RYR2: variants seen among roughly 807,000 people sequenced by gnomAD.
RYR2 encodes the protein ryanodine receptor 2.
RYR2 carries 227 observed loss-of-function variants against 601.1 expected under a neutral mutation model. The ratio of observed to expected loss-of-function variants is 0.38; its 90% CI spans 0.34 to 0.42. The LOEUF (loss-of-function observed/expected upper bound fraction) is 0.42. RYR2 is among the 10% of genes least tolerant of loss of function. RYR2 has a pLI of 1.00. For missense variants in RYR2, 4,646 were observed against 6,156.5 expected, an observed-to-expected ratio of 0.75 and a Z score of 8.21; for synonymous variants, 2,223 against 2,175.1, an observed-to-expected ratio of 1.02 and a Z score of -0.61.
In RYR2 at chr1:237,732,075, T is replaced by G; in HGVS notation, c.10965T>G (p.Asp3655Glu). 1 of 1,609,486 alleles carries G rather than the reference T, an allele frequency of 6.2e-7. No homozygotes were observed. Among genetic ancestry groups the G allele is most frequent in the African/African-American group, 1.3e-5 (1 of 74,874 alleles). ...CTGGGGCTGAACCTCCAGAAGAAGATGAAGGCACTAAGAGAGTTGATCCTC... is the reference window on the plus strand; with the variant it reads ...CTGGGGCTGAACCTCCAGAAGAAGAGGAAGGCACTAAGAGAGTTGATCCTC... ...AKPGAEPPEE[D>E]EGTKRVDPLH... The change falls in exon 78 of 105, where the codon GAT becomes GAG. Residue 3655 changes from aspartate (D) to glutamate (E), a missense_variant. Around this residue, in one of 17 missense-constraint regions of RYR2, gnomAD observed 1,497 missense variants for 1,842.6 expected, o/e 0.81. Transcript: ENST00000366574.
At chr1:237,097,834 G>A (rs956548031) in intron 1 of RYR2, among the ~76,000 whole-genome samples, 1 of 152,180 alleles carries the variant, frequency 6.6e-6, no homozygotes, top group Non-Finnish European at 1.5e-5. Context: ...GACCTGGGGA[G>A]GGAGAAATCA....
chr1:237,429,214 A>G (rs568872627), intron 12 of RYR2, among the ~76,000 whole-genome samples: 5 of 152,282 alleles, frequency 3.3e-5, no homozygotes, highest in African/African-American at 9.6e-5. Flanking sequence ...AGAGCTGAGC[A>G]TTCTCTCTAG....
At chr1:237,309,287 G>T (rs550545133) in intron 2 of RYR2, among the ~76,000 whole-genome samples, 1 of 150,302 alleles carries the variant, frequency 6.7e-6, no homozygotes, top group Admixed American at 6.6e-5. Flanking sequence ...AGACATAAAG[G>T]TTCTCCAAGT....
chr1:237,246,443 A>G (rs1440841718), intron 1 of RYR2, among the ~76,000 whole-genome samples: 1 of 152,056 alleles, frequency 6.6e-6, no homozygotes, highest in Non-Finnish European at 1.5e-5. Context: ...TGCCAACAGC[A>G]TTATTGAATT....
At chr1:237,471,039 C>T (rs1003155782) in intron 17 of RYR2, 1 of 154,398 alleles carries the variant, frequency 6.5e-6, no homozygotes, top group African/African-American at 2.4e-5. Flanking sequence ...ATTGGTTGGA[C>T]TCGGTATGAC....
intron 65 of RYR2, 23 bp downstream of exon 65, chr1:237,700,490 G>GTTTTTT: frequency 1.0e-6 from 1 of 976,106 alleles, no homozygotes; most frequent in Non-Finnish European, 1.5e-6. Context: ...ATATCTTGGA[G>GTTTTTT]TTTTTTTTTT....
chr1:237,238,325 C>T (rs900474549), intron 1 of RYR2, among the ~76,000 whole-genome samples: 5 of 152,092 alleles, frequency 3.3e-5, no homozygotes, highest in African/African-American at 4.8e-5. Context: ...TGGAAGTCCC[C>T]CTCCCCCAAC....
rs564990104 is a variant in RYR2 at position 237,816,037 on chromosome 1, A to G, written c.14434-2999A>G. On this transcript the variant is annotated intron_variant, in intron 100 of 104. Coordinates refer to ENST00000366574, the MANE Select transcript of RYR2 (RefSeq NM_001035.3). ...CAGTTGCTGGGCAATCTTAGCCACTAGTGCTGTCACACGCAGTTCCTCAAA... is the reference window on the plus strand; with the variant it reads ...CAGTTGCTGGGCAATCTTAGCCACTGGTGCTGTCACACGCAGTTCCTCAAA... Among the ~76,000 whole-genome samples, 14 of 152,256 alleles carry G rather than the reference A, an allele frequency of 9.2e-5. No homozygotes were observed. In the South Asian group the frequency reaches 1.9e-3, roughly 20 times the overall value.
chr1:237,711,867 G>A (rs762820301), intron 71 of RYR2, 30 bp downstream of exon 71: 2 of 975,696 alleles, frequency 2.0e-6, no homozygotes, highest in East Asian at 4.8e-5. Flanking sequence ...CACTGTTCTG[G>A]AAAATATCTG....
intron 3 of RYR2, among the ~76,000 whole-genome samples, chr1:237,342,499 A>G (rs145820211): frequency 7.8e-4 from 119 of 152,138 alleles, no homozygotes; most frequent in African/African-American, 2.6e-3. Flanking sequence ...TTCTGAGAAG[A>G]TACACTTTTT....
At chr1:237,211,028 G>A (rs996474249) in intron 1 of RYR2, among the ~76,000 whole-genome samples, 1 of 152,126 alleles carries the variant, frequency 6.6e-6, no homozygotes, top group Non-Finnish European at 1.5e-5. Flanking sequence ...TGTTTGGGCT[G>A]CTGGGATAGT....
chr1:237,624,359 CA>C (rs1335046590), intron 39 of RYR2, among the ~76,000 whole-genome samples: 1 of 152,092 alleles, frequency 6.6e-6, no homozygotes, highest in Admixed American at 6.6e-5. Flanking sequence ...AACAAACAAA[CA>C]AAACCCCCCA....
At chr1:237,565,169 TTCTTTCTTTC>T (rs1559035620) in intron 27 of RYR2, among the ~76,000 whole-genome samples, 13 of 23,980 alleles carry the variant, frequency 5.4e-4, no homozygotes, top group Non-Finnish European at 8.2e-4. Flanking sequence ...CTTTCTTTCT[TTCTTTCTTTC>T]TTTCTTTCTT....
chr1:237,725,087 T>C (rs1212482550), intron 74 of RYR2, among the ~76,000 whole-genome samples: 1 of 152,080 alleles, frequency 6.6e-6, no homozygotes, highest in Non-Finnish European at 1.5e-5. Flanking sequence ...AAATATGGGA[T>C]GATACGGAGC....
chr1:237,638,410 T>A lies in RYR2; in HGVS notation c.6846T>A (p.Ser2282=). 6.2e-7 allele frequency: 1 copy of A among 1,613,986 alleles called. No homozygotes were observed. The highest frequency in any genetic ancestry group is 8.5e-7 in the Non-Finnish European group (1 of 1,179,848). The change falls in exon 45 of 105, where the codon TCT becomes TCA. Residue 2282 remains serine, a synonymous_variant. Transcript: ENST00000366574. ...CGLQSCQMLV[S]KGYPDIGWNP... is the part of the protein sequence containing the mutation. ...TGCAAAGTTGCCAGATGCTGGTGTC[T>A]AAGGGCTATCCAGACATTGGGTGGA...
chr1:237,094,562 G>C (rs376123453), intron 1 of RYR2, among the ~76,000 whole-genome samples: 1 of 143,836 alleles, frequency 7.0e-6, no homozygotes, highest in African/African-American at 2.5e-5. Flanking sequence ...CATTTGTTTT[G>C]TCTTTATAAA....
chr1:237,220,178 C>T (rs1026246991), intron 1 of RYR2, among the ~76,000 whole-genome samples: 5 of 152,146 alleles, frequency 3.3e-5, no homozygotes, highest in Non-Finnish European at 7.3e-5. Context: ...AGTCAGAGGA[C>T]TCTCAATGTG....
intron 34 of RYR2, among the ~76,000 whole-genome samples, chr1:237,601,595 C>G (rs771199478): frequency 5.9e-5 from 9 of 152,042 alleles, no homozygotes; most frequent in Non-Finnish European, 1.2e-4. Context: ...TTTGTATGTT[C>G]TCACCACAAA....
intron 21 of RYR2, 24 bp downstream of exon 21, chr1:237,500,927 T>A (rs1175543506): frequency 1.2e-6 from 2 of 1,605,754 alleles, no homozygotes; most frequent in South Asian, 2.2e-5. Flanking sequence ...TGTTTTTTGG[T>A]CTCTTTCCTT....
Sources: gnomAD v4.1 joint callset for allele counts (sites outside exome capture counted in the v4.1 genomes callset) on GRCh38, gnomAD v4.1.1 for gene constraint, gnomAD v4.1.1 regional missense constraint, MANE v1.5 for transcripts, NCBI Gene and HGNC (gene_info 2026-07-23, HGNC 2026-07-21) for gene names.